FAM13B: variants seen among roughly 807,000 people sequenced by gnomAD.
FAM13B encodes the protein family with sequence similarity 13 member B.
In FAM13B, 60 loss-of-function variants were observed where a neutral mutation model predicts 117.3. The ratio of observed to expected loss-of-function variants is 0.51; its 90% confidence interval spans 0.42 to 0.63. FAM13B has a LOEUF of 0.63. FAM13B is among the 30% of genes least tolerant of loss of function. The pLI is 0.00. For missense variants in FAM13B, 972 were observed against 1,091.9 expected, an observed-to-expected ratio of 0.89 and a Z score of 1.55; for synonymous variants, 332 against 356.1, an observed-to-expected ratio of 0.93 and a Z score of 0.76.
intron 17 of FAM13B, among the ~76,000 whole-genome samples, chr5:137,950,710 C>T (rs1333476219): frequency 1.3e-5 from 2 of 151,822 alleles, no homozygotes; most frequent in Non-Finnish European, 2.9e-5. Context: ...ATTCTGACTA[C>T]CATGCAGCAG....
chr5:137,987,887 C>T (rs930386436), intron 8 of FAM13B, among the ~76,000 whole-genome samples: 2 of 152,166 alleles, frequency 1.3e-5, no homozygotes, highest in African/African-American at 4.8e-5. Flanking sequence ...TAATTCACTC[C>T]TCACTACACA....
chr5:138,034,642 G>A (rs555010665), upstream of FAM13B, among the ~76,000 whole-genome samples: 158 of 152,310 alleles, frequency 1.0e-3, no homozygotes, highest in African/African-American at 3.7e-3. Flanking sequence ...AAACTTGAGC[G>A]AAGTGAAATA....
intron 10 of FAM13B, among the ~76,000 whole-genome samples, chr5:137,975,059 T>G (rs1165728951): frequency 1.3e-5 from 2 of 152,226 alleles, no homozygotes; most frequent in African/African-American, 4.8e-5. Flanking sequence ...TGGCAGAGAC[T>G]ATATACCCAC....
chr5:137,998,574 C>T lies in FAM13B; in HGVS notation c.848+8416G>A, dbSNP rs533706330. On this transcript the variant is annotated intron_variant, in intron 7 of 23. Coordinates refer to ENST00000689681, the MANE Select transcript of FAM13B (RefSeq NM_001385994.1). ...ACACTGGCAGACATTTTCTCAGAAA[C>T]GACTAAGACTCTAAGAAAAACTGAC... Among the ~76,000 whole-genome samples the T allele has an allele frequency of 7.9e-5, 12 of 152,208 alleles. No individual in the cohort carries two copies. In the South Asian group the frequency reaches 1.9e-3, roughly 24 times the overall value.
At chr5:138,025,398 C>T (rs1788103407) in intron 1 of FAM13B, among the ~76,000 whole-genome samples, 1 of 146,356 alleles carries the variant, frequency 6.8e-6, no homozygotes, top group East Asian at 2.0e-4. Flanking sequence ...GCCTCAAACT[C>T]CTGGGCTCAA....
chr5:137,954,033 ATC>A (rs901136343), intron 15 of FAM13B, 131 bp downstream of exon 15: 5 of 641,022 alleles, frequency 7.8e-6, no homozygotes, highest in Non-Finnish European at 7.9e-6. Flanking sequence ...AGAAGACTCA[ATC>A]TCTCTCTTTT....
At chr5:138,000,936 C>CAAAAAAAAAAAAAAA (rs1561514177) in intron 7 of FAM13B, among the ~76,000 whole-genome samples, 1 of 135,770 alleles carries the variant, frequency 7.4e-6, no homozygotes, top group Non-Finnish European at 1.6e-5. Context: ...TCTCAAAAAA[C>CAAAAAAAAAAAAAAA]AAAAAACAAA....
intron 10 of FAM13B, among the ~76,000 whole-genome samples, chr5:137,964,981 A>C (rs1444195916): frequency 6.6e-6 from 1 of 152,082 alleles, no homozygotes; most frequent in Admixed American, 6.6e-5. Flanking sequence ...AGCCTGGCCA[A>C]CATGGTGAAA....
intron 8 of FAM13B, 64 bp from the exon 9 acceptor site, chr5:137,987,680 T>A (rs749876815): frequency 1.0e-5 from 15 of 1,494,650 alleles, no homozygotes; most frequent in Non-Finnish European, 1.4e-5. Flanking sequence ...GACACAGACA[T>A]AAATGCTAAA....
At chr5:137,994,931 T>C (rs1779499586) in intron 7 of FAM13B, among the ~76,000 whole-genome samples, 2 of 152,344 alleles carry the variant, frequency 1.3e-5, no homozygotes, top group South Asian at 2.1e-4. Flanking sequence ...AATTTCCCAA[T>C]TGTAAATATT....
At chr5:138,009,901 T>A (rs1173105700) in intron 6 of FAM13B, among the ~76,000 whole-genome samples, 2 of 152,164 alleles carry the variant, frequency 1.3e-5, no homozygotes, top group Non-Finnish European at 2.9e-5. Flanking sequence ...AAAAAATTTT[T>A]AAAGAAGGCT....
In FAM13B at chr5:137,980,029, C is replaced by T. The variant is rs527580675; in HGVS notation, c.1179+5228G>A. Among the ~76,000 whole-genome samples, 886 of 146,066 alleles carry T rather than the reference C, an allele frequency of 6.1e-3. 12 individuals carry two copies. Among genetic ancestry groups the T allele is most frequent in the African/African-American group, 0.02 (794 of 39,766 alleles). Reference sequence around the variant, plus strand: ...AAAAAAAAAAAAAAAAAAAATTAGCCGGGCGTGGTGGCACATGCCTGTAAT... The same window carrying T: ...AAAAAAAAAAAAAAAAAAAATTAGCTGGGCGTGGTGGCACATGCCTGTAAT... On this transcript the variant is annotated intron_variant, in intron 10 of 23. Coordinates refer to ENST00000689681, the MANE Select transcript of FAM13B (RefSeq NM_001385994.1).
intron 12 of FAM13B, 57 bp downstream of exon 12, chr5:137,960,109 A>C (rs566279690): frequency 3.5e-5 from 36 of 1,021,428 alleles, no homozygotes; most frequent in Non-Finnish European, 5.1e-5. Context: ...AAGACCAGAC[A>C]TAACAGTTTA....
intron 10 of FAM13B, among the ~76,000 whole-genome samples, chr5:137,970,166 A>C (rs1329469663): frequency 6.6e-6 from 1 of 151,876 alleles, no homozygotes; most frequent in Non-Finnish European, 1.5e-5. Flanking sequence ...TGTCAGATTC[A>C]CCAAAGTTGA....
chr5:137,972,317 T>C (rs1351919187), intron 10 of FAM13B, among the ~76,000 whole-genome samples: 2 of 151,612 alleles, frequency 1.3e-5, no homozygotes, highest in Non-Finnish European at 2.9e-5. Context: ...TATACACAAA[T>C]CAATAAATGT....
At chr5:138,000,214 G>A (rs1365001398) in intron 7 of FAM13B, among the ~76,000 whole-genome samples, 1 of 151,994 alleles carries the variant, frequency 6.6e-6, no homozygotes, top group Non-Finnish European at 1.5e-5. Context: ...CCTGGGCAAC[G>A]TAACGAGACC....
chr5:137,953,298 T>A, intron 16 of FAM13B, 38 bp downstream of exon 16: 1 of 1,607,496 alleles, frequency 6.2e-7, no homozygotes, highest in Non-Finnish European at 8.5e-7. Flanking sequence ...AGTTCTAATA[T>A]TAGATTAAGC....
At chr5:137,999,372 T>A (rs1294742700) in intron 7 of FAM13B, among the ~76,000 whole-genome samples, 2 of 152,130 alleles carry the variant, frequency 1.3e-5, no homozygotes, top group Non-Finnish European at 2.9e-5. Context: ...GGTCAGGAGT[T>A]TGAGACCAGC....
At chr5:137,990,915 A>C (rs887249842) in intron 7 of FAM13B, among the ~76,000 whole-genome samples, 3 of 152,164 alleles carry the variant, frequency 2.0e-5, no homozygotes, top group Non-Finnish European at 4.4e-5. Context: ...AATGAGTAAA[A>C]ATTTCTTATG....
Sources: gnomAD v4.1 joint callset for allele counts (sites outside exome capture counted in the v4.1 genomes callset) on GRCh38, gnomAD v4.1.1 for gene constraint, MANE v1.5 for transcripts, NCBI Gene and HGNC (gene_info 2026-07-23, HGNC 2026-07-21) for gene names.